The following SRCAP variants were observed in gnomAD, a reference collection of about 807,000 sequenced individuals.
SRCAP encodes chromatin remodeling protein SRCAP.
Under a neutral mutation model 263.1 loss-of-function variants are expected in SRCAP, and 46 were observed. The observed-to-expected ratio is 0.17, with a 90% CI of 0.14 to 0.22. SRCAP has a LOEUF of 0.22. Ranked by LOEUF, SRCAP falls within the 10% of genes least tolerant of loss-of-function variation. The probability of loss-of-function intolerance (pLI) is 1.00; values close to 1 mark genes in which losing one functional copy is unlikely to be tolerated. For missense variants in SRCAP, 3,695 were observed against 4,181.9 expected, an observed-to-expected ratio of 0.88 and a Z score of 3.21; for synonymous variants, 1,813 against 1,662.1, an observed-to-expected ratio of 1.09 and a Z score of -2.21.
chr16:30,739,299 G>A lies in SRCAP; in HGVS notation c.9259G>A (p.Val3087Met), dbSNP rs752982397. The change falls in exon 34 of 34, where the codon GTG (valine) becomes ATG (methionine). Residue 3087 changes from valine (V) to methionine (M), a missense_variant. Transcript: ENST00000262518. Reference protein sequence around the residue: ...RGRKSGGSMVVAVIQDDLDLA... With the variant: ...RGRKSGGSMVMAVIQDDLDLA... ...ACGGAAGAGTGGAGGGTCCATGGTG[G>A]TGGCTGTAATTCAGGATGACCTGGA... 1.9e-6 allele frequency: 3 copies of A among 1,614,168 alleles called. No individual in the cohort carries two copies. The highest frequency in any genetic ancestry group is 1.6e-4 in the Middle Eastern group (1 of 6,062).
chr16:30,705,277 G>A (rs945884031), intron 4 of SRCAP, among the ~76,000 whole-genome samples: 4 of 152,136 alleles, frequency 2.6e-5, no homozygotes, highest in African/African-American at 9.7e-5. Flanking sequence ...ACCAGCCTGG[G>A]TAACAGTGAG....
intron 27 of SRCAP, among the ~76,000 whole-genome samples, chr16:30,730,180 CAG>C (rs1168984083): frequency 1.3e-5 from 2 of 152,138 alleles, no homozygotes; most frequent in Non-Finnish European, 2.9e-5. Context: ...GCAAGTAAGA[CAG>C]TGCAGCATAG....
chr16:30,700,702 G>C lies in SRCAP; in HGVS notation c.-123G>C, dbSNP rs2052756550. The C allele has an allele frequency of 3.2e-6, 3 of 941,390 alleles. No individual in the cohort carries two copies. The highest frequency in any genetic ancestry group is 4.7e-6 in the Non-Finnish European group (3 of 632,500). The allele number at this position is 941,390 out of a possible 1,614,324, so 58.3% of individuals were successfully genotyped here. A position where few individuals can be genotyped will look rare whatever the true frequency, so the allele number is the denominator to read the frequency against. ...GGAAGGCGGGTCCCGGTGGCCGGTG[G>C]CCCAGAATGAGGCCAGCTCCCAGCA... On this transcript the variant is annotated 5_prime_UTR_variant, in exon 3 of 34. Transcript: ENST00000262518.
At chr16:30,703,904 T>A (rs2052796303) in intron 3 of SRCAP, among the ~76,000 whole-genome samples, 160 bp from the exon 4 acceptor site, 1 of 150,818 alleles carries the variant, frequency 6.6e-6, no homozygotes, top group African/African-American at 2.5e-5. Flanking sequence ...CTCAAAAAAA[T>A]AAAATAAAAA....
At chr16:30,700,550 A>T in intron 2 of SRCAP, 66 bp from the exon 3 acceptor site, 1 of 347,138 alleles carries the variant, frequency 2.9e-6, no homozygotes. Flanking sequence ...CTGGTTTTTT[A>T]AAAATACTTT....
Position 30,729,139 on chromosome 16 carries a change from C to A in SRCAP, c.5832C>A (p.Ser1944Arg). The change falls in exon 26 of 34, where the codon AGC becomes AGA. Residue 1944 changes from serine to arginine, a missense_variant. Transcript: ENST00000262518. Reference sequence around the variant, plus strand: ...TCGGCCCTCGTTCTCCTGGCCCCAGCCACCCCACCTTTTGGACTTATACCG... The same window carrying A: ...TCGGCCCTCGTTCTCCTGGCCCCAGACACCCCACCTTTTGGACTTATACCG... ...SPIGPRSPGP[S>R]HPTFWTYTEA... The A allele has an allele frequency of 6.2e-7, 1 of 1,614,198 alleles. No individual in the cohort carries two copies. Among genetic ancestry groups the A allele is most frequent in the African/African-American group, 1.3e-5 (1 of 75,030 alleles).
chr16:30,716,308 A>T lies in SRCAP; in HGVS notation c.2646A>T (p.Leu882=), dbSNP rs755157540. ...FMAQTTTKET[L]ATGHFMSVIN... ...CTTTCCCCAGAACTAAGGAGACACT[A>T]GCCACAGGCCATTTCATGAGCGTCA... The change falls in exon 18 of 34, where the codon CTA becomes CTT. Residue 882 remains leucine (L), a synonymous_variant. Transcript: ENST00000262518. 6.2e-7 allele frequency: 1 copy of T among 1,614,176 alleles called. No individual in the cohort carries two copies. The highest frequency in any genetic ancestry group is 1.1e-5 in the South Asian group (1 of 91,082).
At position 30,739,140 on chromosome 16, in the gene SRCAP, G is replaced by A. The variant is rs749154028; in HGVS notation, c.9100G>A (p.Glu3034Lys). ...GGACCGTGACAGCACTTCTGTTCTC[G>A]AGAGCTGTGGATTGGGGAGGCGACG... is the stretch of plus-strand genomic sequence containing the variant. ...VLDRDSTSVL[E>K]SCGLGRRRQP... The change falls in exon 34 of 34, where the codon GAG becomes AAG. Residue 3034 changes from glutamate (E) to lysine (K), a missense_variant. Glu to Lys is a moderately conservative substitution (Grantham distance 56). Around this residue, in one of 12 missense-constraint regions of SRCAP, gnomAD observed 1,207 missense variants for 1,142.9 expected, o/e 1.06. Coordinates refer to ENST00000262518, the MANE Select transcript of SRCAP (RefSeq NM_006662.3). 17 of 1,614,142 alleles carry A rather than the reference G, an allele frequency of 1.1e-5. 1 individual carries two copies. The highest frequency in any genetic ancestry group is 3.3e-5 in the Admixed American group (2 of 60,030).
chr16:30,715,036 G>A (rs556636268), intron 16 of SRCAP, among the ~76,000 whole-genome samples: 1 of 152,028 alleles, frequency 6.6e-6, no homozygotes, highest in African/African-American at 2.4e-5. Context: ...TATCTCACAG[G>A]CCTACTCATT....
In SRCAP at chr16:30,712,605, C is replaced by T. The variant is rs181478946; in HGVS notation, c.1994-74C>T. 3.9e-5 allele frequency: 63 copies of T among 1,598,496 alleles called. No homozygotes were observed. In the East Asian group the frequency reaches 1.4e-3, roughly 35 times the overall value. On this transcript the variant is annotated intron_variant, in intron 13 of 33. Transcript: ENST00000262518. ...ATTCCTAGGAAGGGCCAAAGGGTGG[C>T]CAGGGTTATAACTGAGAAATCAGAA...
chr16:30,702,072 GCCTC>G (rs2052773054), intron 3 of SRCAP, among the ~76,000 whole-genome samples: 1 of 151,638 alleles, frequency 6.6e-6, no homozygotes, highest in Non-Finnish European at 1.5e-5. Context: ...TTCTGCCTCA[GCCTC>G]CTGAGTAGCT....
In SRCAP at chr16:30,724,680, C is replaced by T; in HGVS notation, c.5256C>T (p.Pro1752=). 1 of 1,614,114 alleles carries T rather than the reference C, an allele frequency of 6.2e-7. No homozygotes were observed. The highest frequency in any genetic ancestry group is 1.1e-5 in the South Asian group (1 of 91,074). Residue 1752 remains proline, a synonymous_variant, in exon 25 of 34, where the codon CCC becomes CCT. Coordinates refer to ENST00000262518, the MANE Select transcript of SRCAP (RefSeq NM_006662.3). ...PTQTLSLAPA[P]PLAPASPVGP... is the part of the protein sequence containing the mutation. Reference sequence around the variant, plus strand: ...AGACGCTGTCTCTGGCTCCAGCACCCCCTCTGGCTCCAGCTTCTCCAGTGG... The same window carrying T: ...AGACGCTGTCTCTGGCTCCAGCACCTCCTCTGGCTCCAGCTTCTCCAGTGG...
intron 16 of SRCAP, among the ~76,000 whole-genome samples, chr16:30,714,296 C>T (rs2052923219): frequency 6.6e-6 from 1 of 151,660 alleles, no homozygotes; most frequent in African/African-American, 2.4e-5. Context: ...CATCTCCTGA[C>T]CTCATGATCC....
intron 21 of SRCAP, among the ~76,000 whole-genome samples, chr16:30,721,819 G>A (rs1234748999): frequency 6.6e-6 from 1 of 152,224 alleles, no homozygotes; most frequent in Non-Finnish European, 1.5e-5. Flanking sequence ...GGTAAGCCTA[G>A]CAGTAGAAAA....
At chr16:30,723,314 A>T (rs957970785) in intron 24 of SRCAP, 85 bp downstream of exon 24, 1 of 1,507,104 alleles carries the variant, frequency 6.6e-7, no homozygotes, top group Non-Finnish European at 8.9e-7. Flanking sequence ...GTTTTAGTAC[A>T]GGTTTTTTCA....
intron 3 of SRCAP, among the ~76,000 whole-genome samples, chr16:30,703,712 T>C (rs2052794399): frequency 6.6e-6 from 1 of 151,324 alleles, no homozygotes; most frequent in South Asian, 2.1e-4. Flanking sequence ...CTGGCTAACG[T>C]GGTGAAACCC....
chr16:30,703,943 A>T, intron 3 of SRCAP, 121 bp from the exon 4 acceptor site: 1 of 1,204,910 alleles, frequency 8.3e-7, no homozygotes, highest in Admixed American at 2.8e-5. Flanking sequence ...TGTTTATGAA[A>T]ATAAGGTTTA....
At chr16:30,708,921 C>T (rs1409872881) in intron 6 of SRCAP, among the ~76,000 whole-genome samples, 1 of 151,900 alleles carries the variant, frequency 6.6e-6, no homozygotes, top group East Asian at 1.9e-4. Context: ...CAGGTTCAAG[C>T]GATTCTCCTG....
chr16:30,729,431 C>T lies in SRCAP; in HGVS notation c.5986C>T (p.Pro1996Ser), dbSNP rs200767843. Residue 1996 changes from proline (P) to serine (S), a missense_variant, in exon 27 of 34, where the codon CCT (proline) becomes TCT (serine). Transcript: ENST00000262518. ...CCCTTCCCTGCATGCCTGCCACCCA[C>T]CTCCTTGGCTGGCCCCACGTCAGGC... The part of the protein sequence containing the change: ...PPPSLHACHP[P>S]PWLAPRQAAF... The T allele has an allele frequency of 1.6e-4, 252 of 1,614,234 alleles. No individual in the cohort carries two copies. The highest frequency in any genetic ancestry group is 2.6e-5 in the Non-Finnish European group (31 of 1,180,044).
Sources: gnomAD v4.1 joint callset for allele counts (sites outside exome capture counted in the v4.1 genomes callset) on GRCh38, gnomAD v4.1.1 for gene constraint, gnomAD v4.1.1 regional missense constraint, MANE v1.5 for transcripts, NCBI Gene and HGNC (gene_info 2026-07-23, HGNC 2026-07-21) for gene names.